The following SMARCAD1 variants were observed in gnomAD, a reference collection of about 807,000 sequenced individuals.
SMARCAD1 encodes the protein SWI/SNF-related matrix-associated actin-dependent regulator of chromatin subfamily A containing DEAD/H box 1.
Under a neutral mutation model 127.1 loss-of-function variants are expected in SMARCAD1, and 25 were observed. The observed-to-expected ratio is 0.20, with a 90% CI of 0.14 to 0.27. SMARCAD1 has a LOEUF of 0.27. SMARCAD1 is among the 10% of genes least tolerant of loss of function. The pLI is 1.00. For synonymous variants in SMARCAD1, 400 were observed against 396.9 expected (o/e 1.01, Z -0.09); for missense variants, 807 against 1,206.0 (o/e 0.67, Z 4.90).
At chr4:94,223,549 A>G (rs950744808) in intron 2 of SMARCAD1, among the ~76,000 whole-genome samples, 16 of 151,046 alleles carry the variant, frequency 1.1e-4, no homozygotes, top group African/African-American at 1.7e-4. Context: ...TGGACAATTC[A>G]TTTTCTCATA....
chr4:94,222,484 A>G (rs1278197213), intron 2 of SMARCAD1, among the ~76,000 whole-genome samples: 1 of 141,412 alleles, frequency 7.1e-6, no homozygotes, highest in Admixed American at 7.8e-5. Context: ...ATCACTTGCC[A>G]AGCAGGCTGT....
At chr4:94,240,656 A>T (rs1430411938) in intron 5 of SMARCAD1, among the ~76,000 whole-genome samples, 2 of 152,108 alleles carry the variant, frequency 1.3e-5, no homozygotes, top group Non-Finnish European at 2.9e-5. Context: ...CAATTTAGAG[A>T]TGTATATTTT....
At chr4:94,264,453 G>T in intron 9 of SMARCAD1, 1 of 329,928 alleles carries the variant, frequency 3.0e-6, no homozygotes. Flanking sequence ...AACAAGTTTG[G>T]GATTATGCAT....
At chr4:94,245,213 G>T (rs1383213390) in intron 6 of SMARCAD1, among the ~76,000 whole-genome samples, 1 of 152,164 alleles carries the variant, frequency 6.6e-6, no homozygotes, top group Non-Finnish European at 1.5e-5. Context: ...AAGTTTCTAG[G>T]GTCCTGTCCT....
chr4:94,247,966 A>G (rs977953134), intron 6 of SMARCAD1, among the ~76,000 whole-genome samples: 1 of 152,166 alleles, frequency 6.6e-6, no homozygotes, highest in Non-Finnish European at 1.5e-5. Context: ...ATAGTACTCC[A>G]TAGGTAGTTT....
intron 8 of SMARCAD1, 67 bp downstream of exon 8, chr4:94,250,900 A>G: frequency 3.2e-6 from 4 of 1,251,992 alleles, no homozygotes; most frequent in Non-Finnish European, 4.6e-6. Context: ...ATATAAGAAA[A>G]TGGTATATAA....
chr4:94,230,600 C>T (rs1306489817), intron 3 of SMARCAD1, among the ~76,000 whole-genome samples: 1 of 152,258 alleles, frequency 6.6e-6, no homozygotes, highest in Non-Finnish European at 1.5e-5. Context: ...TCTCTGACCT[C>T]ACCCCAGCAG....
At chr4:94,247,316 T>TA (rs1441661177) in intron 6 of SMARCAD1, among the ~76,000 whole-genome samples, 3 of 152,124 alleles carry the variant, frequency 2.0e-5, no homozygotes, top group African/African-American at 7.2e-5. Flanking sequence ...CTGAGACAGA[T>TA]ACAGTCCCAA....
At position 94,290,319 on chromosome 4, in the gene SMARCAD1, T is replaced by G; in HGVS notation, c.*785T>G. On this transcript the variant is annotated 3_prime_UTR_variant, in exon 24 of 24. Transcript: ENST00000354268. ...TCCCTCTCCCGGCTTTTGCTTCTCTTGAAACTGTTGCCCAGTCACTTCTGC... is the reference window on the plus strand; with the variant it reads ...TCCCTCTCCCGGCTTTTGCTTCTCTGGAAACTGTTGCCCAGTCACTTCTGC... The G allele has an allele frequency of 2.2e-6, 1 of 454,550 alleles. No homozygotes were observed. Among genetic ancestry groups the G allele is most frequent in the Non-Finnish European group, 4.4e-6 (1 of 226,776 alleles). 28.2% of individuals were successfully genotyped at this position (454,550 alleles called of 1,614,324 possible).
intron 3 of SMARCAD1, among the ~76,000 whole-genome samples, chr4:94,233,422 C>A (rs1746148470): frequency 2.6e-5 from 4 of 152,162 alleles, no homozygotes; most frequent in African/African-American, 9.7e-5. Flanking sequence ...GGAGAATAAA[C>A]CCTCATATGA....
chr4:94,285,555 A>G (rs1754815563), intron 23 of SMARCAD1, among the ~76,000 whole-genome samples: 1 of 152,192 alleles, frequency 6.6e-6, no homozygotes. Context: ...AATTCCTAAT[A>G]TTGATAATTG....
In SMARCAD1 at chr4:94,281,605, TGTTA is replaced by T. The variant is rs1754030321; in HGVS notation, c.2726+20_2726+23del. The T allele has an allele frequency of 7.7e-6, 11 of 1,437,508 alleles. No homozygotes were observed. Among genetic ancestry groups the T allele is most frequent in the Non-Finnish European group, 9.8e-6 (10 of 1,019,948 alleles). The allele number at this position is 1,437,508 out of a possible 1,614,324, so 89.0% of individuals were successfully genotyped here. ...ATTTCTGAAAGGTTGGTATAATTCA[TGTTA>T]GTTACAAAAAAATAACTCATTTATT... is the stretch of plus-strand genomic sequence containing the variant. On this transcript the variant is annotated intron_variant, in intron 21 of 23. Transcript: ENST00000354268.
At chr4:94,284,455 G>T (rs1349218366) in intron 22 of SMARCAD1, among the ~76,000 whole-genome samples, 4 of 151,492 alleles carry the variant, frequency 2.6e-5, no homozygotes, top group Admixed American at 2.6e-4. Flanking sequence ...CTGGAGTGCA[G>T]TGGCACCATC....
At chr4:94,221,036 C>G (rs1744040114) in intron 2 of SMARCAD1, among the ~76,000 whole-genome samples, 1 of 152,120 alleles carries the variant, frequency 6.6e-6, no homozygotes, top group Non-Finnish European at 1.5e-5. Flanking sequence ...AGGAATTTGG[C>G]AGATGTTTTC....
rs1553920714 is a variant in SMARCAD1, at chr4:94,275,796, C to CTTTTATTTTTT, written c.1809-539_1809-538insATTTTTTTTTT. 3.8e-3 allele frequency among the ~76,000 whole-genome samples: 326 copies of CTTTTATTTTTT among 85,360 alleles called. 1 individual carries two copies. The highest frequency in any genetic ancestry group is 0.011 in the African/African-American group (291 of 26,690). The allele number at this position is 85,360 out of a possible 152,430, so 56.0% of individuals were successfully genotyped here. A position where few individuals can be genotyped will look rare whatever the true frequency, so the allele number is the denominator to read the frequency against. On this transcript the variant is annotated intron_variant, in intron 14 of 23. Transcript: ENST00000354268. ...TGTCCGATTGTAACATTAACATTTT[C>CTTTTATTTTTT]TTTTTTTTTTTTTTTTTTGAGACGG...
intron 23 of SMARCAD1, among the ~76,000 whole-genome samples, chr4:94,287,005 T>C (rs2126016917): frequency 6.6e-6 from 1 of 152,264 alleles, no homozygotes; most frequent in East Asian, 1.9e-4. Flanking sequence ...GCTGGGACTA[T>C]AGGTGCCCGC....
intron 8 of SMARCAD1, among the ~76,000 whole-genome samples, chr4:94,251,573 A>G (rs1313421367): frequency 6.6e-6 from 1 of 152,250 alleles, no homozygotes; most frequent in Non-Finnish European, 1.5e-5. Flanking sequence ...CATGTTATGA[A>G]TGTGAAAACA....
rs372564335 is a variant in SMARCAD1, at chr4:94,244,019, C to T, written c.705+3013C>T. On this transcript the variant is annotated intron_variant, in intron 6 of 23. Coordinates refer to ENST00000354268, the MANE Select transcript of SMARCAD1 (RefSeq NM_020159.5). ...TAAAGGAATCCACATTATGGACCAT[C>T]AAAGATAATGCCACAAAAATAAAAG... Among the ~76,000 whole-genome samples, 8 of 152,238 alleles carry T rather than the reference C, an allele frequency of 5.3e-5. No individual in the cohort carries two copies. The South Asian group carries it at 1.0e-3, about 20-fold the overall frequency.
chr4:94,289,087 G>T (rs1325032189), intron 23 of SMARCAD1, among the ~76,000 whole-genome samples: 1 of 147,312 alleles, frequency 6.8e-6, no homozygotes, highest in African/African-American at 2.5e-5. Flanking sequence ...AATATAGATT[G>T]GTTTTCGTTG....
Sources: allele counts gnomAD v4.1 joint callset (sites outside exome capture counted in the v4.1 genomes callset), GRCh38; gene constraint gnomAD v4.1.1; transcripts MANE v1.5; gene names NCBI Gene and HGNC (gene_info 2026-07-23, HGNC 2026-07-21).